FGF13: variants seen among roughly 807,000 people sequenced by gnomAD.
FGF13 encodes fibroblast growth factor homologous factor 2.
Under a neutral mutation model 19.5 loss-of-function variants are expected in FGF13, and 2 were observed. The observed-to-expected ratio is 0.10, with a 90% CI of 0.04 to 0.32. The LOEUF (loss-of-function observed/expected upper bound fraction) is 0.32. Ranked by LOEUF, FGF13 falls within the 10% of genes least tolerant of loss-of-function variation. The pLI is 1.00. For synonymous variants in FGF13, 72 were observed against 76.9 expected (o/e 0.94, Z 0.33); for missense variants, 113 against 192.7 (o/e 0.59, Z 2.45).
intron 3 of FGF13, among the ~76,000 whole-genome samples, chrX:138,772,018 GTATATATATA>G (rs56411673): frequency 0.013 from 755 of 56,494 alleles, 16 homozygotes; most frequent in African/African-American, 0.032. Context: ...ATACATATGT[GTATATATATA>G]TATATATATA....
At chrX:138,852,220 T>C (rs1294716878) in intron 3 of FGF13, among the ~76,000 whole-genome samples, 1 of 111,820 alleles carries the variant, frequency 8.9e-6, no homozygotes, top group Non-Finnish European at 1.9e-5. Flanking sequence ...AAAACAATTT[T>C]ACAATTCATA....
intron 1 of FGF13, among the ~76,000 whole-genome samples, chrX:139,105,200 T>A (rs1015487982): frequency 1.8e-5 from 2 of 111,002 alleles, no homozygotes; most frequent in African/African-American, 6.6e-5. Context: ...TGTTTACAAT[T>A]CATTCCATAC....
chrX:138,836,001 A>C (rs2091110435), intron 3 of FGF13, among the ~76,000 whole-genome samples: 1 of 111,086 alleles, frequency 9.0e-6, no homozygotes, highest in Non-Finnish European at 1.9e-5. Context: ...GAGAATGTTG[A>C]ATATTGGCCC....
intron 1 of FGF13, among the ~76,000 whole-genome samples, chrX:139,111,296 G>A (rs1364602435): frequency 1.8e-5 from 2 of 111,627 alleles, no homozygotes; most frequent in Non-Finnish European, 3.8e-5. Flanking sequence ...AATGAACTTC[G>A]TGATCATGTT....
intron 3 of FGF13, among the ~76,000 whole-genome samples, chrX:138,695,828 G>A (rs2089890304): frequency 8.9e-6 from 1 of 112,067 alleles, no homozygotes; most frequent in Admixed American, 9.5e-5. Flanking sequence ...ATTAATCAAG[G>A]CACTGGGGAT....
chrX:138,998,072 C>A (rs1418314117), intron 1 of FGF13, among the ~76,000 whole-genome samples: 1 of 111,660 alleles, frequency 9.0e-6, no homozygotes, highest in Non-Finnish European at 1.9e-5. Context: ...AATTTAGTAT[C>A]CAGCCAAACT....
intron 1 of FGF13, among the ~76,000 whole-genome samples, chrX:139,024,407 A>G (rs923489437): frequency 2.7e-5 from 3 of 111,067 alleles, no homozygotes; most frequent in Non-Finnish European, 5.7e-5. Context: ...AGGAAGCTCC[A>G]TAGGGCTTCC....
At chrX:139,024,075 T>C (rs141083746) in intron 1 of FGF13, among the ~76,000 whole-genome samples, 2,423 of 110,837 alleles carry the variant, frequency 0.022, 82 homozygotes, top group African/African-American at 0.075. Context: ...AACAATTTTT[T>C]TTTCCAGAAG....
At chrX:138,690,365 TTG>T (rs1345261250) in intron 3 of FGF13, among the ~76,000 whole-genome samples, 2 of 111,411 alleles carry the variant, frequency 1.8e-5, no homozygotes, top group Non-Finnish European at 3.8e-5. Flanking sequence ...TTGTTTCTCT[TTG>T]TTATGCCTAC....
At chrX:138,770,542 T>C (rs1046783169) in intron 3 of FGF13, among the ~76,000 whole-genome samples, 5 of 111,311 alleles carry the variant, frequency 4.5e-5, no homozygotes, top group Non-Finnish European at 9.4e-5. Flanking sequence ...TCCATGCTAC[T>C]AGGCTGAGAT....
chrX:139,177,829 G>A (rs2084201916), intron 1 of FGF13, among the ~76,000 whole-genome samples: 1 of 112,176 alleles, frequency 8.9e-6, no homozygotes, highest in African/African-American at 3.2e-5. Context: ...AGCCATTTTT[G>A]TGCTTCAAAC....
chrX:139,116,794 A>G (rs1258829908), intron 1 of FGF13, among the ~76,000 whole-genome samples: 1 of 111,157 alleles, frequency 9.0e-6, no homozygotes, highest in Non-Finnish European at 1.9e-5. Context: ...AAGAACATAC[A>G]GCAGGAGGGA....
chrX:138,956,718 T>C (rs764733184), intron 1 of FGF13, among the ~76,000 whole-genome samples: 15 of 111,464 alleles, frequency 1.3e-4, no homozygotes, highest in African/African-American at 4.6e-4. Flanking sequence ...AGTCTCTCCC[T>C]TCTTTTTACC....
rs12862317 is a variant in FGF13 at position 138,998,772 on chromosome X, T to A, written c.-112-134122A>T. On this transcript the variant is annotated intron_variant, in intron 1 of 2. Transcript: ENST00000421460. The stretch of plus-strand genomic sequence containing the variant: ...CACCCCACTGTCAACATTAGACAGA[T>A]CAACGAGACAGAAAATTAACAAGGA... Among the ~76,000 whole-genome samples the A allele has an allele frequency of 7.2e-5, 8 of 111,381 alleles. No homozygotes were observed. In the East Asian group the frequency reaches 2.3e-3, roughly 31 times the overall value.
At chrX:138,746,036 AC>A (rs1404179701) in intron 3 of FGF13, among the ~76,000 whole-genome samples, 1 of 111,764 alleles carries the variant, frequency 8.9e-6, no homozygotes, top group Non-Finnish European at 1.9e-5. Context: ...GTGTGAAATT[AC>A]CTGAAACTAA....
At chrX:138,945,336 G>T (rs928353984) in intron 1 of FGF13, among the ~76,000 whole-genome samples, 7 of 111,073 alleles carry the variant, frequency 6.3e-5, no homozygotes, top group Non-Finnish European at 1.3e-4. Flanking sequence ...TTTATCTTAG[G>T]ACTGCTCCTC....
At chrX:138,750,019 T>A (rs941109935) in intron 3 of FGF13, among the ~76,000 whole-genome samples, 44 of 111,544 alleles carry the variant, frequency 3.9e-4, no homozygotes, top group Non-Finnish European at 1.9e-4. Flanking sequence ...GCAAGAGCAA[T>A]GTTGATAGCC....
At chrX:138,879,072 G>A (rs187797954) in intron 1 of FGF13, among the ~76,000 whole-genome samples, 4,798 of 110,893 alleles carry the variant, frequency 0.043, 276 homozygotes, top group African/African-American at 0.15. Context: ...AGTAGGTTGC[G>A]AAAATTTTCT....
At chrX:138,764,022 A>G (rs1425944268) in intron 3 of FGF13, among the ~76,000 whole-genome samples, 1 of 111,249 alleles carries the variant, frequency 9.0e-6, no homozygotes, top group Non-Finnish European at 1.9e-5. Context: ...CACTGATCCA[A>G]TCATTCCAAA....
Sources: allele counts gnomAD v4.1 joint callset (sites outside exome capture counted in the v4.1 genomes callset), GRCh38; gene constraint gnomAD v4.1.1; transcripts MANE v1.5; gene names NCBI Gene and HGNC (gene_info 2026-07-23, HGNC 2026-07-21).